CRISPLD2: variants seen among roughly 807,000 people sequenced by gnomAD.
CRISPLD2 encodes cysteine-rich secretory protein LCCL domain-containing 2.
Under a neutral mutation model 71.1 loss-of-function variants are expected in CRISPLD2, and 47 were observed. The ratio of observed to expected loss-of-function variants is 0.66; its 90% CI spans 0.52 to 0.84. The LOEUF is 0.84. Ranked by LOEUF, CRISPLD2 falls within the 40% of genes least tolerant of loss-of-function variation. The pLI is 0.00. For missense variants in CRISPLD2, 830 were observed against 651.1 expected (o/e 1.27, Z -2.99); for synonymous variants, 317 against 250.1 (o/e 1.27, Z -2.52).
intron 1 of CRISPLD2, among the ~76,000 whole-genome samples, chr16:84,829,956 C>A (rs983319809): frequency 2.0e-5 from 3 of 152,188 alleles, no homozygotes; most frequent in Admixed American, 2.0e-4. Flanking sequence ...GTTGATTGAA[C>A]AAGGCTCAGT....
intron 5 of CRISPLD2, among the ~76,000 whole-genome samples, chr16:84,854,325 C>G (rs1043175028): frequency 6.6e-6 from 1 of 152,118 alleles, no homozygotes; most frequent in Non-Finnish European, 1.5e-5. Context: ...CGCAAGCCGT[C>G]TCTGGGACAG....
intron 8 of CRISPLD2, among the ~76,000 whole-genome samples, chr16:84,870,558 C>T (rs2071459571): frequency 6.6e-6 from 1 of 152,022 alleles, no homozygotes; most frequent in African/African-American, 2.4e-5. Flanking sequence ...CTCAAGTGAT[C>T]TGCCCGCCTT....
intron 6 of CRISPLD2, among the ~76,000 whole-genome samples, chr16:84,865,195 G>A (rs551799615): frequency 9.6e-4 from 142 of 148,094 alleles, no homozygotes; most frequent in African/African-American, 3.3e-3. Flanking sequence ...TCGCTCTGTC[G>A]CCCAGGCTGG....
intron 8 of CRISPLD2, among the ~76,000 whole-genome samples, chr16:84,869,837 G>A (rs969077697): frequency 2.0e-5 from 3 of 152,226 alleles, no homozygotes; most frequent in Admixed American, 1.3e-4. Flanking sequence ...AGCACATTGC[G>A]ATAGCATCAC....
At chr16:84,862,995 A>G (rs895893198) in intron 6 of CRISPLD2, 7 of 152,124 alleles carry the variant, frequency 4.6e-5, no homozygotes, top group Admixed American at 1.3e-4. Flanking sequence ...TGGGTCATGT[A>G]TCACCTGTTG....
chr16:84,823,638 A>G (rs17111), intron 1 of CRISPLD2, among the ~76,000 whole-genome samples: 65,532 of 151,940 alleles, frequency 0.43, 14,550 homozygotes, highest in African/African-American at 0.53. Context: ...CCCAGGCTGT[A>G]CAATGACGAG....
At chr16:84,889,136 C>G (rs2071638607) in intron 13 of CRISPLD2, 94 bp from the exon 14 acceptor site, 1 of 1,539,854 alleles carries the variant, frequency 6.5e-7, no homozygotes, top group Non-Finnish European at 8.9e-7. Flanking sequence ...ATCCCACCAG[C>G]CAGGTTGCCC....
At chr16:84,859,107 T>A (rs1917316778) in intron 6 of CRISPLD2, among the ~76,000 whole-genome samples, 3 of 152,220 alleles carry the variant, frequency 2.0e-5, no homozygotes, top group Non-Finnish European at 4.4e-5. Flanking sequence ...TAGGGGCAGC[T>A]CTAATGGCTT....
At chr16:84,898,065 A>G (rs1212637434) in intron 14 of CRISPLD2, among the ~76,000 whole-genome samples, 1 of 152,224 alleles carries the variant, frequency 6.6e-6, no homozygotes, top group African/African-American at 2.4e-5. Context: ...TCATCCGTTT[A>G]TCATCACTGA....
At chr16:84,838,351 G>A (rs931883326) in intron 1 of CRISPLD2, 71 bp from the exon 2 acceptor site, 36 of 968,336 alleles carry the variant, frequency 3.7e-5, no homozygotes, top group Non-Finnish European at 4.9e-5. Context: ...TGCTGCGTTC[G>A]CTGCTCCAGC....
chr16:84,904,775 G>A (rs534616178), intron 14 of CRISPLD2, among the ~76,000 whole-genome samples: 12 of 152,068 alleles, frequency 7.9e-5, no homozygotes, highest in Non-Finnish European at 1.6e-4. Flanking sequence ...CTGTGATGTT[G>A]GACCTTTGCC....
At chr16:84,888,981 T>A (rs1340477144) in intron 13 of CRISPLD2, among the ~76,000 whole-genome samples, 1 of 152,230 alleles carries the variant, frequency 6.6e-6, no homozygotes, top group African/African-American at 2.4e-5. Context: ...TTCCCCCAGT[T>A]CCTAATTCCG....
rs144264008 is a variant in CRISPLD2, at chr16:84,855,108, A to C, written c.709+279A>C. ...TCTGCAGATGCTGGACACAGCATTAAATGCAGACGCACTGCTCACCCTCGT... is the reference window on the plus strand; with the variant it reads ...TCTGCAGATGCTGGACACAGCATTACATGCAGACGCACTGCTCACCCTCGT... On this transcript the variant is annotated intron_variant, in intron 6 of 14. Coordinates refer to ENST00000262424, the MANE Select transcript of CRISPLD2 (RefSeq NM_031476.4). Among the ~76,000 whole-genome samples, 981 of 152,172 alleles carry C rather than the reference A, an allele frequency of 6.4e-3. 4 individuals carry two copies. Among genetic ancestry groups the C allele is most frequent in the South Asian group, 0.014 (68 of 4,816 alleles).
chr16:84,900,279 G>A (rs914122211), intron 14 of CRISPLD2, among the ~76,000 whole-genome samples: 6 of 152,166 alleles, frequency 3.9e-5, no homozygotes, highest in East Asian at 1.9e-4. Flanking sequence ...AATTCCAAGC[G>A]GCCTGCTCTC....
intron 2 of CRISPLD2, chr16:84,839,266 C>T (rs1279611606): frequency 6.7e-6 from 2 of 297,004 alleles, no homozygotes; most frequent in East Asian, 9.7e-5. Flanking sequence ...CTTCATGTCA[C>T]TCTTGGTAGC....
At chr16:84,857,861 C>G (rs774063088) in intron 6 of CRISPLD2, among the ~76,000 whole-genome samples, 5 of 152,168 alleles carry the variant, frequency 3.3e-5, no homozygotes, top group African/African-American at 9.7e-5. Flanking sequence ...TCAGGACTTG[C>G]TTGAGCTCAA....
chr16:84,904,840 C>A (rs1269988635), intron 14 of CRISPLD2, among the ~76,000 whole-genome samples: 1 of 152,098 alleles, frequency 6.6e-6, no homozygotes, highest in Non-Finnish European at 1.5e-5. Context: ...AATGTAAGAG[C>A]TAAAAATTAC....
At chr16:84,830,343 C>T (rs920129618) in intron 1 of CRISPLD2, among the ~76,000 whole-genome samples, 1 of 151,970 alleles carries the variant, frequency 6.6e-6, no homozygotes, top group East Asian at 1.9e-4. Context: ...AAATAAAATT[C>T]AGTAAAAAAT....
At chr16:84,836,517 G>C (rs1016241097) in intron 1 of CRISPLD2, 4 of 152,190 alleles carry the variant, frequency 2.6e-5, no homozygotes, top group African/African-American at 9.7e-5. Context: ...TACAAAGCAA[G>C]CCAAGCCTCT....
Sources: gnomAD v4.1 joint callset for allele counts (sites outside exome capture counted in the v4.1 genomes callset) on GRCh38, gnomAD v4.1.1 for gene constraint, MANE v1.5 for transcripts, NCBI Gene and HGNC (gene_info 2026-07-23, HGNC 2026-07-21) for gene names.